The following DENND4B variants were observed in gnomAD, a reference collection of about 807,000 sequenced individuals.
The protein encoded by DENND4B is DENN domain-containing protein 4B.
In DENND4B, 67 loss-of-function variants were observed where a neutral mutation model predicts 161.0. That is an observed-to-expected ratio of 0.42 (90% CI 0.34 to 0.51). DENND4B has a LOEUF of 0.51. Ranked by LOEUF, DENND4B falls within the 20% of genes least tolerant of loss-of-function variation. The pLI is 0.08. For missense variants in DENND4B, 1,481 were observed against 1,968.0 expected, an observed-to-expected ratio of 0.75 and a Z score of 4.68; for synonymous variants, 753 against 813.8, an observed-to-expected ratio of 0.93 and a Z score of 1.27.
At position 153,933,071 on chromosome 1, in the gene DENND4B, G is replaced by A. The variant is rs538623653; in HGVS notation, c.3454-41C>T. ...GTCGGGAAGTAGGTGCTGTCTGGCC[G>A]CCAGCACTCTGGAGCCCATGCCCCT... On this transcript the variant is annotated intron_variant, in intron 21 of 27. Transcript: ENST00000361217. The surrounding 1 kb of genome is among the most constrained non-coding windows in gnomAD (Gnocchi z 5.7). 13 of 1,610,388 alleles carry A rather than the reference G, an allele frequency of 8.1e-6. No homozygotes were observed. The highest frequency in any genetic ancestry group is 3.3e-5 in the Admixed American group (2 of 59,942).
intron 8 of DENND4B, 71 bp from the exon 9 acceptor site, chr1:153,941,119 C>T: frequency 6.4e-7 from 1 of 1,564,050 alleles, no homozygotes; most frequent in Non-Finnish European, 8.7e-7. Flanking sequence ...ATGCCAGGCA[C>T]AGCCACCACC....
chr1:153,945,325 C>T (rs754511153), intron 1 of DENND4B: 15 of 434,470 alleles, frequency 3.5e-5, no homozygotes, highest in Non-Finnish European at 6.1e-5. Flanking sequence ...AGGAAGTCAG[C>T]CTATGGGTGT....
At position 153,934,823 on chromosome 1, in the gene DENND4B, G is replaced by C. The variant is rs1679231042; in HGVS notation, c.2710C>G (p.Gln904Glu). 1 of 1,367,310 alleles carries C rather than the reference G, an allele frequency of 7.3e-7. No individual in the cohort carries two copies. Among genetic ancestry groups the C allele is most frequent in the South Asian group, 1.4e-5 (1 of 72,808 alleles). 84.7% of individuals were successfully genotyped at this position (1,367,310 alleles called of 1,614,324 possible). ...TGCTCCTGCTGCTGCTGCTGCTGCT[G>C]CTGCTGTTGCTGCTGCTGCTGCTGT... The part of the protein sequence containing the change: ...RQQQQQQQQQ[Q>E]QQQQQQEQVS... The change falls in exon 18 of 28, where the codon CAG becomes GAG. Residue 904 changes from glutamine (Q) to glutamate (E), a missense_variant. By Grantham distance (29) the Gln-to-Glu change is conservative. Around this residue, in one of 3 missense-constraint regions of DENND4B, gnomAD observed 339 missense variants for 330.3 expected, o/e 1.03. Coordinates refer to ENST00000361217, the MANE Select transcript of DENND4B (RefSeq NM_014856.3). The surrounding 1 kb of genome is among the most constrained non-coding windows in gnomAD (Gnocchi z 5.3).
chr1:153,943,332 A>G (rs1018697652), intron 2 of DENND4B, among the ~76,000 whole-genome samples: 12 of 152,052 alleles, frequency 7.9e-5, no homozygotes, highest in Non-Finnish European at 1.8e-4. Context: ...GCCTTATTTC[A>G]TGGTCAGCAA....
Position 153,939,083 on chromosome 1 carries a change from C to T in DENND4B, c.1820-38G>A, listed in dbSNP as rs529047997. On this transcript the variant is annotated intron_variant, in intron 12 of 27. Coordinates refer to ENST00000361217, the MANE Select transcript of DENND4B (RefSeq NM_014856.3). The stretch of plus-strand genomic sequence containing the variant: ...AGAATGGGGCAGAGGAGGGGTGTGA[C>T]CAGGGCTCTCCACCACAGCCATAGC... The T allele has an allele frequency of 8.9e-5, 142 of 1,602,196 alleles. 1 individual carries two copies. The South Asian group carries it at 1.5e-3, about 17-fold the overall frequency.
rs1679134860 is a variant in DENND4B, at chr1:153,933,793, A to T, written c.3020T>A (p.Leu1007Gln). The change falls in exon 20 of 28, where the codon CTG becomes CAG. Residue 1007 changes from leucine (L) to glutamine (Q), a missense_variant. Leu to Gln is a moderately radical substitution (Grantham distance 113). Coordinates refer to ENST00000361217, the MANE Select transcript of DENND4B (RefSeq NM_014856.3). The surrounding 1 kb of genome is among the most constrained non-coding windows in gnomAD (Gnocchi z 5.7). ...TCCAGGGAGCGGCTCCTCCCCTGTC[A>T]GGCTCAGGTCTGAGAGACTTCCATC... is the stretch of plus-strand genomic sequence containing the variant. The part of the protein sequence containing the change: ...WHDGSLSDLS[L>Q]TGEEPLPGGS... 6.2e-7 allele frequency: 1 copy of T among 1,612,140 alleles called. No homozygotes were observed. Among genetic ancestry groups the T allele is most frequent in the African/African-American group, 1.3e-5 (1 of 74,866 alleles).
At position 153,934,717 on chromosome 1, in the gene DENND4B, C is replaced by G. The variant is rs1238633878; in HGVS notation, c.2773+43G>C. 3 of 1,577,830 alleles carry G rather than the reference C, an allele frequency of 1.9e-6. No homozygotes were observed. The Admixed American group carries it at 5.6e-5, about 29-fold the overall frequency. On this transcript the variant is annotated intron_variant, in intron 18 of 27. Transcript: ENST00000361217. This position sits in a 1 kb window ranked among gnomAD's most constrained non-coding sequence, Gnocchi z 5.3. Reference sequence around the variant, plus strand: ...CTCTATGCCTTTCCCTGCCTGAGCCCAGCTACTCCATCCCCAAGCCTGTCT... The same window carrying G: ...CTCTATGCCTTTCCCTGCCTGAGCCGAGCTACTCCATCCCCAAGCCTGTCT...
chr1:153,933,149 T>C lies in DENND4B; in HGVS notation c.3453+48A>G. On this transcript the variant is annotated intron_variant, in intron 21 of 27. Transcript: ENST00000361217. This position sits in a 1 kb window ranked among gnomAD's most constrained non-coding sequence, Gnocchi z 5.7. ...TCTCCTGCCTTGGACAGGGTGAGTG[T>C]GTGCTATGTGTGTTCAAGCACATCT... is the stretch of plus-strand genomic sequence containing the variant. 3.7e-6 allele frequency: 6 copies of C among 1,612,038 alleles called. No homozygotes were observed. The highest frequency in any genetic ancestry group is 5.1e-6 in the Non-Finnish European group (6 of 1,178,996).
In DENND4B at chr1:153,934,427, G is replaced by GTGTT. The variant is rs369552715; in HGVS notation, c.2774-129_2774-126dup. The GTGTT allele has an allele frequency of 1.1e-4, 144 of 1,317,320 alleles. No homozygotes were observed. The highest frequency in any genetic ancestry group is 3.9e-4 in the African/African-American group (26 of 66,590). 81.6% of individuals were successfully genotyped at this position (1,317,320 alleles called of 1,614,324 possible). ...TCCCAGGCAAAACTTTATCCGTTTT[G>GTGTT]TGTTTGTTTGTTTGTTTGTTTTGTT... On this transcript the variant is annotated intron_variant, in intron 18 of 27. Coordinates refer to ENST00000361217, the MANE Select transcript of DENND4B (RefSeq NM_014856.3). This position sits in a 1 kb window ranked among gnomAD's most constrained non-coding sequence, Gnocchi z 5.3.
At chr1:153,945,169 C>T (rs1391523287) in intron 1 of DENND4B, 1 of 1,289,352 alleles carries the variant, frequency 7.8e-7, no homozygotes, top group Non-Finnish European at 1.0e-6. Flanking sequence ...GAGTAGGAGC[C>T]CCAAGGGTCC....
intron 6 of DENND4B, 81 bp downstream of exon 6, chr1:153,941,788 C>T: frequency 7.7e-7 from 1 of 1,291,398 alleles, no homozygotes; most frequent in Non-Finnish European, 1.1e-6. Context: ...CTCCCCCCAC[C>T]CACATCTGAA....
Position 153,942,929 on chromosome 1 carries a change from C to G in DENND4B, c.519G>C (p.Glu173Asp), listed in dbSNP as rs752104081. ...GCCGGCAGTAAGTATGAGGAGTGCC[C>G]TCGCCCTTACTGGGCAGCACCAGGC... ...DLCLVLPSKG[E>D]GTPHTYCRLP... is the part of the protein sequence containing the mutation. Residue 173 changes from glutamate (E) to aspartate (D), a missense_variant, in exon 3 of 28, where the codon GAG (glutamate) becomes GAC (aspartate). Glu to Asp is a conservative substitution (Grantham distance 45). Around this residue, in one of 3 missense-constraint regions of DENND4B, gnomAD observed 806 missense variants for 1,134.4 expected, o/e 0.71. Transcript: ENST00000361217. This position sits in a 1 kb window ranked among gnomAD's most constrained non-coding sequence, Gnocchi z 6.9. The G allele has an allele frequency of 6.2e-7, 1 of 1,612,498 alleles. No individual in the cohort carries two copies. The highest frequency in any genetic ancestry group is 1.1e-5 in the South Asian group (1 of 91,026).
rs2102077663 is a variant in DENND4B, at chr1:153,944,805, AC to A, written c.-23-409del. 6.6e-6 allele frequency among the ~76,000 whole-genome samples: 1 copy of A among 152,124 alleles called. No homozygotes were observed. The highest frequency in any genetic ancestry group is 1.5e-5 in the Non-Finnish European group (1 of 67,998). ...CTTACAGTCTTTTCAAGGGTTTCTG[AC>A]CTTCCTACTCTAGTTATGACACCAT... On this transcript the variant is annotated intron_variant, in intron 1 of 27. Transcript: ENST00000361217. This position sits in a 1 kb window ranked among gnomAD's most constrained non-coding sequence, Gnocchi z 4.8.
At position 153,941,300 on chromosome 1, in the gene DENND4B, A is replaced by C; in HGVS notation, c.1123-11T>G. On this transcript the variant is annotated splice_polypyrimidine_tract_variant and intron_variant, in intron 7 of 27. Transcript: ENST00000361217. ...GTCATAGGGAGACATCTGGAAGGGA[A>C]GAAGAGCCACGGCTCAGGGTAATGA... 1.2e-6 allele frequency: 2 copies of C among 1,613,862 alleles called. No individual in the cohort carries two copies. The highest frequency in any genetic ancestry group is 1.7e-6 in the Non-Finnish European group (2 of 1,179,826).
intron 6 of DENND4B, 94 bp downstream of exon 6, chr1:153,941,775 G>GGGGGGC: frequency 1.4e-5 from 19 of 1,338,156 alleles, no homozygotes; most frequent in Non-Finnish European, 1.6e-5. Context: ...CCTGTGCCCA[G>GGGGGGC]CCCTCCCCCC....
chr1:153,932,636 C>G lies in DENND4B; in HGVS notation c.3759+6G>C, dbSNP rs751743727. The G allele has an allele frequency of 1.2e-5, 19 of 1,611,084 alleles. No homozygotes were observed. The highest frequency in any genetic ancestry group is 1.5e-5 in the Non-Finnish European group (18 of 1,178,220). ...GTTCCTCATGCCCCTTTGGCCCAGC[C>G]CTTACCCCCATGTGCCCGTTGCAGA... On this transcript the variant is annotated splice_donor_region_variant and intron_variant, in intron 23 of 27. Coordinates refer to ENST00000361217, the MANE Select transcript of DENND4B (RefSeq NM_014856.3). The surrounding 1 kb of genome is among the most constrained non-coding windows in gnomAD (Gnocchi z 5.8).
Position 153,936,224 on chromosome 1 carries a change from ACT to A in DENND4B, c.2440-38_2440-37del. 1 of 1,579,558 alleles carries A rather than the reference ACT, an allele frequency of 6.3e-7. No homozygotes were observed. On this transcript the variant is annotated intron_variant, in intron 16 of 27. Coordinates refer to ENST00000361217, the MANE Select transcript of DENND4B (RefSeq NM_014856.3). This position sits in a 1 kb window ranked among gnomAD's most constrained non-coding sequence, Gnocchi z 4.1. ...AGAGGCACAGGACAATGGGAGACTC[ACT>A]CTCAACCAAAACCAAAGTCTCAGCA...
Position 153,940,155 on chromosome 1 carries a change from C to A in DENND4B, c.1603+1G>T. ...CCTCCCTCCCCACCCAGGCTTCTCA[C>A]TCTGGTCCAGCTGCTGGTACAGGTT... On this transcript the variant is annotated splice_donor_variant, in intron 11 of 27. Coordinates refer to ENST00000361217, the MANE Select transcript of DENND4B (RefSeq NM_014856.3). LOFTEE classifies it high-confidence loss of function. The surrounding 1 kb of genome is among the most constrained non-coding windows in gnomAD (Gnocchi z 5.6). The A allele has an allele frequency of 6.4e-7, 1 of 1,563,854 alleles. No homozygotes were observed.
At position 153,940,705 on chromosome 1, in the gene DENND4B, T is replaced by C; in HGVS notation, c.1327-99A>G. On this transcript the variant is annotated intron_variant, in intron 9 of 27. Transcript: ENST00000361217. The surrounding 1 kb of genome is among the most constrained non-coding windows in gnomAD (Gnocchi z 5.6). ...GAGGGCATTGGCCTTGGGGAGTTGG[T>C]GCCTGTTGAGAGAGGCTGTTGGAAG... 6.7e-7 allele frequency: 1 copy of C among 1,502,478 alleles called. No individual in the cohort carries two copies. Among genetic ancestry groups the C allele is most frequent in the South Asian group, 1.3e-5 (1 of 79,766 alleles). The allele number at this position is 1,502,478 out of a possible 1,614,324, so 93.1% of individuals were successfully genotyped here.
Sources: gnomAD v4.1 joint callset for allele counts (sites outside exome capture counted in the v4.1 genomes callset) on GRCh38, gnomAD v4.1.1 for gene constraint, gnomAD v4.1.1 regional missense constraint, Gnocchi (gnomAD v3.1) non-coding constraint, MANE v1.5 for transcripts, NCBI Gene and HGNC (gene_info 2026-07-23, HGNC 2026-07-21) for gene names.